The following GLOD4 variants were observed in gnomAD, a reference collection of about 807,000 sequenced individuals.
The protein encoded by GLOD4 is glyoxalase domain-containing protein 4.
Under a neutral mutation model 39.1 loss-of-function variants are expected in GLOD4, and 44 were observed. The ratio of observed to expected loss-of-function variants is 1.13; its 90% CI spans 0.88 to 1.45. The LOEUF is 1.45. GLOD4 is among the 40% of genes most tolerant of loss of function. GLOD4 has a pLI of 0.00. For missense variants in GLOD4, 405 were observed against 366.4 expected, an observed-to-expected ratio of 1.11 and a Z score of -0.86; for synonymous variants, 145 against 135.0, an observed-to-expected ratio of 1.07 and a Z score of -0.52.
chr17:785,578 T>C (rs984978980), upstream of GLOD4, among the ~76,000 whole-genome samples: 2 of 152,218 alleles, frequency 1.3e-5, no homozygotes, highest in Admixed American at 1.3e-4. Context: ...GCTGTACCCA[T>C]TCTAAAGCTC....
intron 3 of GLOD4, 114 bp downstream of exon 3, chr17:776,754 A>G (rs1488224290): frequency 1.3e-6 from 1 of 796,416 alleles, no homozygotes; most frequent in South Asian, 1.5e-5. Context: ...ACCTCTTTTG[A>G]GTCTCTGCTC....
chr17:778,926 C>CAG, intron 1 of GLOD4, 182 bp from the exon 2 acceptor site: 1 of 584,114 alleles, frequency 1.7e-6, no homozygotes. Flanking sequence ...AACAGCTTGA[C>CAG]ACCAAGGGTC....
At chr17:769,197 A>T (rs959340037) in intron 8 of GLOD4, among the ~76,000 whole-genome samples, 1 of 150,750 alleles carries the variant, frequency 6.6e-6, no homozygotes, top group South Asian at 2.1e-4. Context: ...AGGCATCTCC[A>T]TGGGGAGAGC....
In GLOD4 at chr17:772,187, G is replaced by GAAA. The variant is rs58914913; in HGVS notation, c.407-729_407-727dup. 9.2e-3 allele frequency among the ~76,000 whole-genome samples: 466 copies of GAAA among 50,844 alleles called. 6 individuals are homozygous for GAAA. Among genetic ancestry groups the GAAA allele is most frequent in the East Asian group, 0.039 (72 of 1,854 alleles). The allele number at this position is 50,844 out of a possible 152,430, so 33.4% of individuals were successfully genotyped here. A position where few individuals can be genotyped will look rare whatever the true frequency, so the allele number is the denominator to read the frequency against. ...CTGGGTGACAGTGAGACCCTATCTC[G>GAAA]AAAAAAAAAAAAAAAAAAAAAACAA... On this transcript the variant is annotated intron_variant, in intron 4 of 8. Transcript: ENST00000301329.
upstream of GLOD4, chr17:783,231 T>C (rs1229461277): frequency 6.2e-7 from 1 of 1,613,756 alleles, no homozygotes; most frequent in Non-Finnish European, 8.5e-7. Context: ...CCTAAAGGAG[T>C]TGCCAGTCGA....
intron 8 of GLOD4, 124 bp downstream of exon 8, chr17:769,741 AACCC>A (rs1487074556): frequency 1.5e-6 from 1 of 679,964 alleles, no homozygotes; most frequent in Non-Finnish European, 2.6e-6. Flanking sequence ...GGCTGAGGTC[AACCC>A]AACAGCGAAA....
intron 2 of GLOD4, 121 bp downstream of exon 2, chr17:778,574 C>T: frequency 1.3e-6 from 1 of 741,822 alleles, no homozygotes. Context: ...CTGAAGTTGC[C>T]TCCCTAATTT....
chr17:778,432 G>A, intron 2 of GLOD4: 1 of 565,988 alleles, frequency 1.8e-6, no homozygotes, highest in Non-Finnish European at 3.1e-6. Flanking sequence ...TCCCACAGGT[G>A]TTGTATGAGA....
intron 8 of GLOD4, among the ~76,000 whole-genome samples, chr17:768,770 A>C (rs1189134284): frequency 7.7e-6 from 1 of 130,686 alleles, no homozygotes; most frequent in Admixed American, 7.7e-5. Flanking sequence ...AAATCTGGAG[A>C]GGATGTGAGA....
At chr17:771,529 C>A in intron 4 of GLOD4, 68 bp from the exon 5 acceptor site, 2 of 830,958 alleles carry the variant, frequency 2.4e-6, no homozygotes, top group African/African-American at 1.8e-5. Flanking sequence ...CCAAAACATG[C>A]GCATGTATAC....
chr17:771,593 T>C (rs144241360), intron 4 of GLOD4, 132 bp from the exon 5 acceptor site: 2 of 533,114 alleles, frequency 3.8e-6, no homozygotes, highest in Non-Finnish European at 6.4e-6. Context: ...TGAAGCTGGG[T>C]GCAGCGGCCC....
intron 8 of GLOD4, among the ~76,000 whole-genome samples, chr17:762,164 A>C (rs1031973080): frequency 2.0e-5 from 3 of 152,262 alleles, no homozygotes; most frequent in Non-Finnish European, 2.9e-5. Context: ...GGTAGAACTC[A>C]CAGCTCTTGG....
intron 3 of GLOD4, 107 bp downstream of exon 3, chr17:776,761 G>C (rs1909030540): frequency 1.2e-6 from 1 of 842,526 alleles, no homozygotes; most frequent in Non-Finnish European, 2.0e-6. Context: ...TTGAGTCTCT[G>C]CTCAAATGTT....
intron 4 of GLOD4, 97 bp from the exon 5 acceptor site, chr17:771,558 A>G: frequency 2.8e-6 from 2 of 708,986 alleles, no homozygotes; most frequent in Non-Finnish European, 4.5e-6. Context: ...TCAGTTTATG[A>G]TAAGAAAGGG....
chr17:769,845 C>T, intron 8 of GLOD4, 24 bp downstream of exon 8: 1 of 1,337,286 alleles, frequency 7.5e-7, no homozygotes, highest in Non-Finnish European at 1.1e-6. Context: ...CCCATGGTGA[C>T]ATAAATGTAG....
chr17:774,564 C>T (rs1387442667), intron 4 of GLOD4, among the ~76,000 whole-genome samples: 1 of 152,180 alleles, frequency 6.6e-6, no homozygotes, highest in African/African-American at 2.4e-5. Context: ...TGGCAGTCAG[C>T]GTGGGGGCTC....
intron 7 of GLOD4, 23 bp from the exon 8 acceptor site, chr17:769,978 C>T: frequency 6.3e-6 from 10 of 1,579,458 alleles, no homozygotes; most frequent in Non-Finnish European, 8.7e-6. Flanking sequence ...AGAGAAAAGA[C>T]ACCTGCCAAA....
At chr17:760,715 G>A (rs1422914590) in intron 8 of GLOD4, among the ~76,000 whole-genome samples, 1 of 152,212 alleles carries the variant, frequency 6.6e-6, no homozygotes, top group Non-Finnish European at 1.5e-5. Context: ...ATGAAGCCTG[G>A]AATGATTCCT....
At chr17:772,913 T>C (rs1018553226) in intron 4 of GLOD4, among the ~76,000 whole-genome samples, 1 of 151,452 alleles carries the variant, frequency 6.6e-6, no homozygotes, top group Admixed American at 6.6e-5. Flanking sequence ...GAGAATGGCG[T>C]GAACCCGGGA....
Sources: gnomAD v4.1 joint callset for allele counts (sites outside exome capture counted in the v4.1 genomes callset) on GRCh38, gnomAD v4.1.1 for gene constraint, MANE v1.5 for transcripts, NCBI Gene and HGNC (gene_info 2026-07-23, HGNC 2026-07-21) for gene names.